OLA1: variants seen among roughly 807,000 people sequenced by gnomAD.
OLA1 encodes obg-like ATPase 1.
A neutral mutation model predicts 48.4 loss-of-function variants in OLA1; 14 were observed. That is an observed-to-expected ratio of 0.29 (90% CI 0.19 to 0.45). The LOEUF (loss-of-function observed/expected upper bound fraction) is 0.45, where lower values mean the gene tolerates loss of function less well. OLA1 is among the 20% of genes least tolerant of loss of function. The pLI is 1.00. For missense variants in OLA1, 325 were observed against 467.1 expected (o/e 0.70, Z 2.80); for synonymous variants, 127 against 150.4 (o/e 0.84, Z 1.14).
At position 174,219,943 on chromosome 2, in the gene OLA1, C is replaced by A. The variant is rs142234057; in HGVS notation, c.373+3090G>T. On this transcript the variant is annotated intron_variant, in intron 4 of 10. Transcript: ENST00000284719. ...GGTGAGGAGTTCAGGACCAGCCTGG[C>A]CAACATGGTGAAATCCCGTCTCTAC... 3.3e-5 allele frequency among the ~76,000 whole-genome samples: 5 copies of A among 152,088 alleles called. No homozygotes were observed. In the East Asian group the frequency reaches 9.7e-4, roughly 29 times the overall value.
At chr2:174,156,678 G>A (rs552044609) in intron 4 of OLA1, among the ~76,000 whole-genome samples, 1 of 143,856 alleles carries the variant, frequency 7.0e-6, no homozygotes, top group East Asian at 2.3e-4. Flanking sequence ...CCCACCTACC[G>A]TGTTCAAGCC....
chr2:174,205,862 C>T (rs1210306258), intron 4 of OLA1, among the ~76,000 whole-genome samples: 1 of 152,176 alleles, frequency 6.6e-6, no homozygotes, highest in African/African-American at 2.4e-5. Context: ...AGACAGAAAA[C>T]TTGTGATTAT....
chr2:174,204,768 A>G (rs975421729), intron 4 of OLA1, among the ~76,000 whole-genome samples: 6 of 152,292 alleles, frequency 3.9e-5, no homozygotes, highest in Admixed American at 3.9e-4. Flanking sequence ...AAATAGATAT[A>G]CAGTAGAGGA....
intron 4 of OLA1, among the ~76,000 whole-genome samples, chr2:174,205,323 A>G (rs1688084771): frequency 6.6e-6 from 1 of 151,956 alleles, no homozygotes; most frequent in Admixed American, 6.6e-5. Context: ...TGGGCGGAGA[A>G]GATTTCAAGA....
intron 5 of OLA1, among the ~76,000 whole-genome samples, chr2:174,137,091 A>C: frequency 6.6e-6 from 1 of 152,214 alleles, no homozygotes; most frequent in East Asian, 1.9e-4. Flanking sequence ...TGTATTTCTT[A>C]AATAATAAGA....
intron 4 of OLA1, among the ~76,000 whole-genome samples, chr2:174,149,997 T>C (rs1039004330): frequency 2.0e-5 from 3 of 152,176 alleles, no homozygotes; most frequent in South Asian, 4.1e-4. Flanking sequence ...TAGAAATACA[T>C]GATGTATTGA....
chr2:174,077,409 G>A (rs1684769907), intron 10 of OLA1, among the ~76,000 whole-genome samples: 2 of 151,972 alleles, frequency 1.3e-5, no homozygotes, highest in African/African-American at 4.8e-5. Flanking sequence ...AAACCTACTT[G>A]ATAATCTGCA....
intron 7 of OLA1, among the ~76,000 whole-genome samples, chr2:174,114,997 G>T (rs1685747477): frequency 6.6e-6 from 1 of 152,032 alleles, no homozygotes; most frequent in African/African-American, 2.4e-5. Flanking sequence ...AGGTGTGGTA[G>T]CCTGCGCCCG....
intron 4 of OLA1, among the ~76,000 whole-genome samples, chr2:174,156,939 G>A (rs938198330): frequency 6.6e-6 from 1 of 151,688 alleles, no homozygotes; most frequent in Non-Finnish European, 1.5e-5. Context: ...CTAATAGCTT[G>A]GAGAGAGACT....
Position 174,216,995 on chromosome 2 carries a change from G to C in OLA1, c.373+6038C>G, listed in dbSNP as rs530517990. Among the ~76,000 whole-genome samples the C allele has an allele frequency of 6.6e-5, 10 of 152,242 alleles. No homozygotes were observed. The South Asian group carries it at 2.1e-3, about 32-fold the overall frequency. On this transcript the variant is annotated intron_variant, in intron 4 of 10. Coordinates refer to ENST00000284719, the MANE Select transcript of OLA1 (RefSeq NM_013341.5). ...GTAAGCTATTTGTAGTTAAGTTTTT[G>C]GGGAGTTAAAAGTTATATCCGAATT...
chr2:174,091,600 T>C (rs1029318694), intron 7 of OLA1, among the ~76,000 whole-genome samples: 2 of 152,100 alleles, frequency 1.3e-5, no homozygotes, highest in Non-Finnish European at 2.9e-5. Flanking sequence ...TTTTAAAAAA[T>C]AGCAGCTGGG....
At position 174,123,578 on chromosome 2, in the gene OLA1, T is replaced by C. The variant is rs1429095195; in HGVS notation, c.630+17A>G. The C allele has an allele frequency of 2.7e-6, 4 of 1,485,650 alleles. No homozygotes were observed. The highest frequency in any genetic ancestry group is 2.8e-6 in the Non-Finnish European group (3 of 1,084,924). The allele number at this position is 1,485,650 out of a possible 1,614,324, so 92.0% of individuals were successfully genotyped here. ...AAAGCAAAGGCAGTAATAGATGGCA[T>C]GATATTTACAACTTACCTCTTTGTC... is the stretch of plus-strand genomic sequence containing the variant. On this transcript the variant is annotated intron_variant, in intron 6 of 10. Transcript: ENST00000284719.
At chr2:174,136,134 GGTAGTGGTT>G (rs1686305303) in intron 5 of OLA1, among the ~76,000 whole-genome samples, 1 of 152,130 alleles carries the variant, frequency 6.6e-6, no homozygotes, top group African/African-American at 2.4e-5. Flanking sequence ...GACTAATCAG[GGTAGTGGTT>G]GCTGAAGGTT....
chr2:174,195,469 C>T (rs945423561), intron 4 of OLA1, among the ~76,000 whole-genome samples: 8 of 152,162 alleles, frequency 5.3e-5, no homozygotes, highest in African/African-American at 1.9e-4. Flanking sequence ...GATGTTCCAT[C>T]TTATGACTCA....
intron 4 of OLA1, among the ~76,000 whole-genome samples, chr2:174,160,581 T>C (rs1195359802): frequency 2.0e-5 from 3 of 152,208 alleles, no homozygotes. Flanking sequence ...CCTGCCAATA[T>C]ATTAAAAATA....
intron 4 of OLA1, among the ~76,000 whole-genome samples, chr2:174,219,587 C>T (rs1688452862): frequency 6.6e-6 from 1 of 151,870 alleles, no homozygotes; most frequent in African/African-American, 2.4e-5. Flanking sequence ...GCCACCATAC[C>T]CAGCTAATTT....
chr2:174,182,560 A>T (rs1184340363), intron 4 of OLA1, among the ~76,000 whole-genome samples: 9 of 152,116 alleles, frequency 5.9e-5, no homozygotes, highest in East Asian at 5.8e-4. Context: ...AAATGAAATT[A>T]AAAAATCTCT....
At chr2:174,243,422 T>C (rs1689053310) in intron 2 of OLA1, among the ~76,000 whole-genome samples, 1 of 152,178 alleles carries the variant, frequency 6.6e-6, no homozygotes, top group African/African-American at 2.4e-5. Context: ...GAATAAAATC[T>C]TGTTCAAAAA....
intron 10 of OLA1, 34 bp downstream of exon 10, chr2:174,078,934 A>G (rs2105337867): frequency 6.3e-7 from 1 of 1,583,994 alleles, no homozygotes; most frequent in East Asian, 2.3e-5. Flanking sequence ...CAGTGGAAAC[A>G]TTGTGAAATA....
Sources: gnomAD v4.1 joint callset for allele counts (sites outside exome capture counted in the v4.1 genomes callset) on GRCh38, gnomAD v4.1.1 for gene constraint, MANE v1.5 for transcripts, NCBI Gene and HGNC (gene_info 2026-07-23, HGNC 2026-07-21) for gene names.